Variants in TLR3 observed in about 807,000 individuals in gnomAD.
The protein encoded by TLR3 is toll-like receptor 3.
TLR3 carries 43 observed loss-of-function variants against 66.4 expected under a neutral mutation model. That is an observed-to-expected ratio of 0.65 (90% CI 0.51 to 0.83). TLR3 has a LOEUF of 0.83. Ranked by LOEUF, TLR3 falls within the 40% of genes least tolerant of loss-of-function variation. TLR3 has a pLI of 0.00. For missense variants in TLR3, 982 were observed against 1,044.6 expected (o/e 0.94, Z 0.83); for synonymous variants, 397 against 397.2 (o/e 1.00, Z 0.01).
At chr4:186,073,731 A>T (rs2150065628) in intron 1 of TLR3, among the ~76,000 whole-genome samples, 1 of 152,266 alleles carries the variant, frequency 6.6e-6, no homozygotes, top group Non-Finnish European at 1.5e-5. Context: ...AATAAAAGAG[A>T]AGATGATAAA....
chr4:186,074,312 G>A (rs961157000), intron 1 of TLR3, among the ~76,000 whole-genome samples: 8 of 152,212 alleles, frequency 5.3e-5, no homozygotes, highest in South Asian at 2.1e-4. Flanking sequence ...AGCCTGTGGC[G>A]CCCAGCCTGC....
In TLR3 at chr4:186,073,341, G is replaced by A. The variant is rs756110861; in HGVS notation, c.-7-3272G>A. 7.3e-4 allele frequency among the ~76,000 whole-genome samples: 111 copies of A among 152,204 alleles called. No homozygotes were observed. The Middle Eastern group carries it at 0.01, about 14-fold the overall frequency. ...TCAAGACCAGCCTGGCCAACATGGT[G>A]AAACCCTGTCTCTACTACAAATATA... On this transcript the variant is annotated intron_variant, in intron 1 of 4. Transcript: ENST00000296795.
Position 186,083,754 on chromosome 4 carries a change from CT to C in TLR3, c.2073del (p.Phe691LeufsTer17). The C allele has an allele frequency of 6.2e-7, 1 of 1,613,710 alleles. No individual in the cohort carries two copies. Among genetic ancestry groups the C allele is most frequent in the East Asian group, 2.2e-5 (1 of 44,894 alleles). ...PPHYHGFPVR[L>X]FDTSSCKDSA... ...TCACTATCATGGGTTCCCAGTGAGA[CT>C]TTTTGATACATCATCTTGCAAAGAC... On this transcript the variant is annotated frameshift_variant, in exon 4 of 5. Coordinates refer to ENST00000296795, the MANE Select transcript of TLR3 (RefSeq NM_003265.3). LOFTEE classifies it high-confidence loss of function. The surrounding 1 kb of genome is among the most constrained non-coding windows in gnomAD (Gnocchi z 4.0).
chr4:186,078,240 T>C (rs2099302780), intron 2 of TLR3, among the ~76,000 whole-genome samples: 1 of 152,178 alleles, frequency 6.6e-6, no homozygotes, highest in Non-Finnish European at 1.5e-5. Flanking sequence ...GAAGCATACA[T>C]ATTCAAAAAT....
intron 1 of TLR3, among the ~76,000 whole-genome samples, chr4:186,071,962 C>A (rs1168598642): frequency 6.6e-6 from 1 of 152,194 alleles, no homozygotes; most frequent in African/African-American, 2.4e-5. Flanking sequence ...GGTTGTTGAT[C>A]ACACCACAGA....
chr4:186,082,647 C>T lies in TLR3; in HGVS notation c.961C>T (p.Leu321Phe). The change falls in exon 4 of 5, where the codon CTT (leucine) becomes TTT (phenylalanine). Residue 321 changes from leucine (L) to phenylalanine (F), a missense_variant. Leu to Phe is a conservative substitution (Grantham distance 22). Transcript: ENST00000296795. ...TTTGTTTTCTCACTCTTTGCACGGG[C>T]TTTTCAATGTGAGGTACCTGAATTT... ...QHLFSHSLHGLFNVRYLNLKR... is the reference protein window; with the variant it reads ...QHLFSHSLHGFFNVRYLNLKR... 2 of 1,613,884 alleles carry T rather than the reference C, an allele frequency of 1.2e-6. No homozygotes were observed. The highest frequency in any genetic ancestry group is 1.7e-6 in the Non-Finnish European group (2 of 1,179,810).
rs1289757495 is a variant in TLR3 at position 186,085,102 on chromosome 4, CATT to C, written c.*230_*232del. On this transcript the variant is annotated 3_prime_UTR_variant, in exon 5 of 5. Coordinates refer to ENST00000296795, the MANE Select transcript of TLR3 (RefSeq NM_003265.3). Reference sequence around the variant, plus strand: ...AATAAAACATATAAGCACGTAAGAACATTGTCTACTGATTAATATACAATCAGC... The same window carrying C: ...AATAAAACATATAAGCACGTAAGAACGTCTACTGATTAATATACAATCAGC... 3 of 541,420 alleles carry C rather than the reference CATT, an allele frequency of 5.5e-6. No homozygotes were observed. Among genetic ancestry groups the C allele is most frequent in the Non-Finnish European group, 9.8e-6 (3 of 306,104 alleles). 33.5% of individuals were successfully genotyped at this position (541,420 alleles called of 1,614,324 possible).
chr4:186,084,508 G>T (rs2099304061), intron 4 of TLR3, 137 bp from the exon 5 acceptor site: 4 of 671,570 alleles, frequency 6.0e-6, no homozygotes, highest in East Asian at 2.8e-5. Flanking sequence ...ACAACTCAAA[G>T]AATTTTTAAA....
intron 1 of TLR3, among the ~76,000 whole-genome samples, chr4:186,073,564 C>A (rs577611975): frequency 4.0e-5 from 6 of 151,814 alleles, no homozygotes; most frequent in Non-Finnish European, 5.9e-5. Flanking sequence ...GATATACACA[C>A]AAAAAACCAT....
intron 3 of TLR3, among the ~76,000 whole-genome samples, chr4:186,080,711 C>T (rs944320684): frequency 6.6e-6 from 1 of 152,148 alleles, no homozygotes; most frequent in Non-Finnish European, 1.5e-5. Flanking sequence ...CCTGTCTCAG[C>T]CTCCCGAGTA....
In TLR3 at chr4:186,076,722, G is replaced by A; in HGVS notation, c.103G>A (p.Ala35Thr). ...CAAGTGCACTGTTAGCCATGAAGTT[G>A]CTGACTGCAGCCACCTGAAGTTGAC... Reference protein sequence around the residue: ...TTKCTVSHEVADCSHLKLTQV... With the variant: ...TTKCTVSHEVTDCSHLKLTQV... Residue 35 changes from alanine to threonine, a missense_variant, in exon 2 of 5, where the codon GCT (alanine) becomes ACT (threonine). Transcript: ENST00000296795. 6.2e-7 allele frequency: 1 copy of A among 1,614,130 alleles called. No individual in the cohort carries two copies. Among genetic ancestry groups the A allele is most frequent in the Non-Finnish European group, 8.5e-7 (1 of 1,180,026 alleles).
intron 4 of TLR3, 23 bp downstream of exon 4, chr4:186,084,195 T>C (rs751260848): frequency 1.9e-6 from 3 of 1,610,090 alleles, no homozygotes; most frequent in Non-Finnish European, 2.5e-6. Flanking sequence ...TGTGAAATTT[T>C]AAGTGTGTAC....
intron 1 of TLR3, among the ~76,000 whole-genome samples, chr4:186,074,222 TG>T (rs1432152346): frequency 6.6e-6 from 1 of 152,198 alleles, no homozygotes; most frequent in Non-Finnish European, 1.5e-5. Flanking sequence ...CATGGGGATA[TG>T]TTCTGAGAAA....
At position 186,076,657 on chromosome 4, in the gene TLR3, G is replaced by T; in HGVS notation, c.38G>T (p.Gly13Val). The change falls in exon 2 of 5, where the codon GGC becomes GTC. Residue 13 changes from glycine to valine, a missense_variant. Coordinates refer to ENST00000296795, the MANE Select transcript of TLR3 (RefSeq NM_003265.3). ...TTGCCTTGTATCTACTTTTGGGGGG[G>T]CCTTTTGCCCTTTGGGATGCTGTGT... ...QTLPCIYFWGGLLPFGMLCAS... is the reference protein window; with the variant it reads ...QTLPCIYFWGVLLPFGMLCAS... The T allele has an allele frequency of 1.2e-6, 2 of 1,614,122 alleles. No individual in the cohort carries two copies. Among genetic ancestry groups the T allele is most frequent in the East Asian group, 2.2e-5 (1 of 44,872 alleles).
intron 1 of TLR3, among the ~76,000 whole-genome samples, chr4:186,069,774 G>A (rs990036106): frequency 3.9e-5 from 6 of 152,178 alleles, no homozygotes; most frequent in African/African-American, 7.2e-5. Flanking sequence ...GAAGGATAAT[G>A]GAAGAAGTGG....
At chr4:186,071,267 T>TC (rs1358122323) in intron 1 of TLR3, among the ~76,000 whole-genome samples, 1 of 152,214 alleles carries the variant, frequency 6.6e-6, no homozygotes, top group African/African-American at 2.4e-5. Flanking sequence ...ATGGGGCAAG[T>TC]CCTTAAGTCA....
In TLR3 at chr4:186,084,781, T is replaced by G. The variant is rs146846379; in HGVS notation, c.2623T>G (p.Cys875Gly). 2 of 1,614,144 alleles carry G rather than the reference T, an allele frequency of 1.2e-6. No homozygotes were observed. The highest frequency in any genetic ancestry group is 4.5e-5 in the East Asian group (2 of 44,864). Residue 875 changes from cysteine (C) to glycine (G), a missense_variant, in exon 5 of 5, where the codon TGC becomes GGC. By Grantham distance (159) the Cys-to-Gly change is radical. Around this residue, in one of 3 missense-constraint regions of TLR3, gnomAD observed 666 missense variants for 709.0 expected, o/e 0.94. Transcript: ENST00000296795. Reference protein sequence around the residue: ...CLRRGMFKSHCILNWPVQKER... With the variant: ...CLRRGMFKSHGILNWPVQKER... Reference sequence around the variant, plus strand: ...GCGAAGAGGAATGTTTAAATCTCACTGCATCTTGAACTGGCCAGTTCAGAA... The same window carrying G: ...GCGAAGAGGAATGTTTAAATCTCACGGCATCTTGAACTGGCCAGTTCAGAA...
Position 186,076,775 on chromosome 4 carries a change from C to T in TLR3, c.156C>T (p.Asn52=). 6.2e-7 allele frequency: 1 copy of T among 1,614,180 alleles called. No individual in the cohort carries two copies. Among genetic ancestry groups the T allele is most frequent in the South Asian group, 1.1e-5 (1 of 91,080 alleles). ...LTQVPDDLPT[N]ITVLNLTHNQ... ...AGGTACCCGATGATCTACCCACAAA[C>T]ATAACAGTGTTGAACCTTACCCATA... Residue 52 remains asparagine, a synonymous_variant, in exon 2 of 5, where the codon AAC becomes AAT. Transcript: ENST00000296795.
chr4:186,080,837 C>G (rs1002243271), intron 3 of TLR3, among the ~76,000 whole-genome samples: 1 of 152,094 alleles, frequency 6.6e-6, no homozygotes, highest in African/African-American at 2.4e-5. Context: ...TGATCCACCT[C>G]CACCTCGGCC....
Sources: gnomAD v4.1 joint callset for allele counts (sites outside exome capture counted in the v4.1 genomes callset) on GRCh38, gnomAD v4.1.1 for gene constraint, gnomAD v4.1.1 regional missense constraint, Gnocchi (gnomAD v3.1) non-coding constraint, MANE v1.5 for transcripts, NCBI Gene and HGNC (gene_info 2026-07-23, HGNC 2026-07-21) for gene names.